The following PTPRG variants were observed in gnomAD, a reference collection of about 807,000 sequenced individuals.
PTPRG encodes protein tyrosine phosphatase receptor type G.
A neutral mutation model predicts 165.3 loss-of-function variants in PTPRG; 102 were observed. The ratio of observed to expected loss-of-function variants is 0.62; its 90% CI spans 0.53 to 0.73. PTPRG has a LOEUF of 0.73. Ranked by LOEUF, PTPRG falls within the 30% of genes least tolerant of loss-of-function variation. The pLI is 0.00. For synonymous variants in PTPRG, 675 were observed against 669.5 expected, an observed-to-expected ratio of 1.01 and a Z score of -0.13; for missense variants, 1,866 against 1,861.4, an observed-to-expected ratio of 1.00 and a Z score of -0.05.
chr3:61,738,340 A>ATATATATATGTGTATATATATATATG (rs2032840343), intron 1 of PTPRG, among the ~76,000 whole-genome samples: 4 of 60,188 alleles, frequency 6.6e-5, no homozygotes, highest in Non-Finnish European at 8.8e-5. Flanking sequence ...ATATATATGT[A>ATATATATATGTGTATATATATATATG]TATATATATA....
At chr3:61,692,055 C>G (rs1575592484) in intron 1 of PTPRG, among the ~76,000 whole-genome samples, 1 of 152,264 alleles carries the variant, frequency 6.6e-6, no homozygotes. Flanking sequence ...TGAGTACATT[C>G]CAGTGCTAAG....
At chr3:62,039,124 G>A (rs1034798970) in intron 4 of PTPRG, among the ~76,000 whole-genome samples, 3 of 152,016 alleles carry the variant, frequency 2.0e-5, no homozygotes, top group Non-Finnish European at 2.9e-5. Flanking sequence ...TAGTAGGGAC[G>A]GGGTTTCACT....
chr3:61,578,531 G>A (rs902834019), intron 1 of PTPRG, among the ~76,000 whole-genome samples: 4 of 152,194 alleles, frequency 2.6e-5, no homozygotes, highest in Non-Finnish European at 5.9e-5. Flanking sequence ...CCCCTCTTGG[G>A]ATGTTTGGTT....
intron 14 of PTPRG, 106 bp from the exon 15 acceptor site, chr3:62,243,701 T>C (rs1351340130): frequency 4.3e-6 from 3 of 700,566 alleles, no homozygotes; most frequent in Non-Finnish European, 7.1e-6. Context: ...CCCTCAGTGC[T>C]GTGTGATGTT....
chr3:62,152,870 G>A (rs1340831324), intron 6 of PTPRG, among the ~76,000 whole-genome samples: 1 of 152,070 alleles, frequency 6.6e-6, no homozygotes, highest in African/African-American at 2.4e-5. Context: ...TGTTAAAATA[G>A]GGGCAGGCAG....
Position 61,960,746 on chromosome 3 carries a change from A to G in PTPRG, c.191-28879A>G, listed in dbSNP as rs1007297707. On this transcript the variant is annotated intron_variant, in intron 2 of 29. Transcript: ENST00000474889. ...TGGTTTTAGGCTGGTTGCTTTTGTC[A>G]TTAAGTAATTATAGCTTTATAATGG... Among the ~76,000 whole-genome samples, 64 of 152,138 alleles carry G rather than the reference A, an allele frequency of 4.2e-4. 1 individual carries two copies. Among genetic ancestry groups the G allele is most frequent in the Admixed American group, 2.0e-4 (3 of 15,274 alleles).
chr3:61,712,894 T>G (rs1456242034), intron 1 of PTPRG, among the ~76,000 whole-genome samples: 1 of 152,140 alleles, frequency 6.6e-6, no homozygotes, highest in Admixed American at 6.5e-5. Context: ...TATGTTGACA[T>G]TTTTTGAGTC....
intron 12 of PTPRG, among the ~76,000 whole-genome samples, chr3:62,204,167 C>T (rs1010346098): frequency 7.2e-5 from 11 of 152,152 alleles, no homozygotes; most frequent in Admixed American, 2.0e-4. Flanking sequence ...GTAAGTCTTT[C>T]TTTGATATTT....
At chr3:62,288,794 C>T (rs1702767820) in intron 28 of PTPRG, among the ~76,000 whole-genome samples, 1 of 151,886 alleles carries the variant, frequency 6.6e-6, no homozygotes, top group Admixed American at 6.6e-5. Context: ...AGATTTGCTT[C>T]AATATATATT....
intron 2 of PTPRG, chr3:61,925,840 G>A: frequency 1.1e-5 from 5 of 472,930 alleles, no homozygotes; most frequent in South Asian, 7.6e-5. Flanking sequence ...TAACTGGCTT[G>A]TCCCGAGCAT....
Position 61,647,947 on chromosome 3 carries a change from T to C in PTPRG, c.85+85575T>C, listed in dbSNP as rs1021030647. Among the ~76,000 whole-genome samples the C allele has an allele frequency of 2.0e-5, 3 of 152,298 alleles. No homozygotes were observed. The South Asian group carries it at 6.2e-4, about 32-fold the overall frequency. Reference sequence around the variant, plus strand: ...TGATTGCGGCCTGTGAGGCCCGTTATGGCTTGTCTATCTACTGACACTCCC... The same window carrying C: ...TGATTGCGGCCTGTGAGGCCCGTTACGGCTTGTCTATCTACTGACACTCCC... On this transcript the variant is annotated intron_variant, in intron 1 of 29. Coordinates refer to ENST00000474889, the MANE Select transcript of PTPRG (RefSeq NM_002841.4).
At chr3:62,170,530 G>C (rs1382965467) in intron 8 of PTPRG, among the ~76,000 whole-genome samples, 1 of 152,132 alleles carries the variant, frequency 6.6e-6, no homozygotes. Flanking sequence ...AAGCTAGGGA[G>C]GATAATGGTT....
chr3:62,124,195 C>T, intron 5 of PTPRG: 1 of 840,668 alleles, frequency 1.2e-6, no homozygotes, highest in Non-Finnish European at 2.0e-6. Flanking sequence ...AAAAAGAAGT[C>T]ATGATTATTC....
At chr3:61,874,670 T>C (rs2037675480) in intron 2 of PTPRG, among the ~76,000 whole-genome samples, 1 of 152,198 alleles carries the variant, frequency 6.6e-6, no homozygotes, top group South Asian at 2.1e-4. Context: ...TGTTAGGCTT[T>C]GGGACAGGGG....
intron 16 of PTPRG, among the ~76,000 whole-genome samples, chr3:62,258,769 G>A (rs1388612): frequency 0.22 from 33,246 of 152,020 alleles, 3,996 homozygotes; most frequent in African/African-American, 0.3. Flanking sequence ...TCTTGTGATA[G>A]CGTTGGATGA....
At chr3:61,705,987 T>C (rs1240612148) in intron 1 of PTPRG, among the ~76,000 whole-genome samples, 1 of 152,220 alleles carries the variant, frequency 6.6e-6, no homozygotes, top group Non-Finnish European at 1.5e-5. Context: ...TCTGTTTTCA[T>C]GTGCCCTAAG....
intron 12 of PTPRG, among the ~76,000 whole-genome samples, chr3:62,204,226 T>G (rs1421102279): frequency 6.6e-6 from 1 of 152,202 alleles, no homozygotes; most frequent in East Asian, 1.9e-4. Flanking sequence ...GGCAATGATA[T>G]ACATGAATAA....
At chr3:61,857,696 T>C (rs2037151312) in intron 2 of PTPRG, among the ~76,000 whole-genome samples, 1 of 152,210 alleles carries the variant, frequency 6.6e-6, no homozygotes, top group Non-Finnish European at 1.5e-5. Flanking sequence ...AAGACTAATA[T>C]AGTTCCTAAC....
At chr3:61,597,953 CCA>C (rs1700746282) in intron 1 of PTPRG, among the ~76,000 whole-genome samples, 1 of 152,086 alleles carries the variant, frequency 6.6e-6, no homozygotes, top group Admixed American at 6.6e-5. Flanking sequence ...ACAGTAGTTG[CCA>C]CAGTTTGTTT....
Sources: allele counts gnomAD v4.1 joint callset (sites outside exome capture counted in the v4.1 genomes callset), GRCh38; gene constraint gnomAD v4.1.1; transcripts MANE v1.5; gene names NCBI Gene and HGNC (gene_info 2026-07-23, HGNC 2026-07-21).